The following SLC5A11 variants were observed in gnomAD, a reference collection of about 807,000 sequenced individuals.
SLC5A11 encodes sodium/myo-inositol cotransporter 2.
SLC5A11 carries 48 observed loss-of-function variants against 69.8 expected under a neutral mutation model. The ratio of observed to expected loss-of-function variants is 0.69; its 90% confidence interval spans 0.55 to 0.87. The LOEUF (loss-of-function observed/expected upper bound fraction) is 0.87. SLC5A11 is among the 40% of genes least tolerant of loss of function. The pLI is 0.00. For missense variants in SLC5A11, 784 were observed against 866.1 expected (o/e 0.91, Z 1.19); for synonymous variants, 319 against 342.4 (o/e 0.93, Z 0.75).
At chr16:24,898,411 T>C (rs994002321) in intron 10 of SLC5A11, among the ~76,000 whole-genome samples, 9 of 151,966 alleles carry the variant, frequency 5.9e-5, no homozygotes, top group African/African-American at 2.2e-4. Context: ...TGTCTTGCTA[T>C]GTTGCTCAGG....
chr16:24,851,987 CT>C (rs1596943558), intron 1 of SLC5A11, among the ~76,000 whole-genome samples: 6 of 150,624 alleles, frequency 4.0e-5, no homozygotes, highest in East Asian at 3.9e-4. Context: ...CTCTCTCTCT[CT>C]CTCTCTCCCA....
chr16:24,848,447 A>C (rs997401695), intron 1 of SLC5A11, among the ~76,000 whole-genome samples: 1 of 152,138 alleles, frequency 6.6e-6, no homozygotes, highest in Admixed American at 6.5e-5. Flanking sequence ...CGTCTCTACA[A>C]AAAAATTACA....
Position 24,864,829 on chromosome 16 carries a change from T to G in SLC5A11, c.207+2157T>G, listed in dbSNP as rs191870595. Reference sequence around the variant, plus strand: ...AGATAGATTTTTTTTTAAGTGGAAATTATGGAGTTGGAAAGTAACAATAAG... The same window carrying G: ...AGATAGATTTTTTTTTAAGTGGAAAGTATGGAGTTGGAAAGTAACAATAAG... On this transcript the variant is annotated intron_variant, in intron 3 of 15. Transcript: ENST00000347898. Among the ~76,000 whole-genome samples the G allele has an allele frequency of 3.9e-3, 595 of 151,842 alleles. 3 individuals are homozygous for G. Among genetic ancestry groups the G allele is most frequent in the South Asian group, 0.015 (74 of 4,816 alleles).
intron 1 of SLC5A11, among the ~76,000 whole-genome samples, chr16:24,854,639 C>T (rs1392419890): frequency 6.6e-6 from 1 of 152,142 alleles, no homozygotes; most frequent in African/African-American, 2.4e-5. Flanking sequence ...ACCATGTTAC[C>T]CAGGCTTGTC....
In SLC5A11 at chr16:24,846,451, CT is replaced by C. The variant is rs1202484159; in HGVS notation, c.-25+14del. 2 of 152,764 alleles carry C rather than the reference CT, an allele frequency of 1.3e-5. No individual in the cohort carries two copies. The highest frequency in any genetic ancestry group is 2.4e-5 in the African/African-American group (1 of 41,458). The allele number at this position is 152,764 out of a possible 1,614,324, so 9.5% of individuals were successfully genotyped here. The stretch of plus-strand genomic sequence containing the variant: ...CATCTGGAATAAGGTAAGACACCCC[CT>C]GCCCCCAAACAGGTAGCCACTCTCC... On this transcript the variant is annotated intron_variant, in intron 1 of 15. Transcript: ENST00000347898.
At chr16:24,907,505 T>C (rs997771985) in intron 12 of SLC5A11, among the ~76,000 whole-genome samples, 2 of 151,766 alleles carry the variant, frequency 1.3e-5, no homozygotes, top group Admixed American at 6.6e-5. Context: ...TGAGGTCAGG[T>C]GTTCAAGACC....
chr16:24,886,246 G>C (rs1424438454), intron 8 of SLC5A11, among the ~76,000 whole-genome samples: 1 of 152,060 alleles, frequency 6.6e-6, no homozygotes, highest in African/African-American at 2.4e-5. Context: ...TCTTCACCAG[G>C]ATGGTCTCCA....
intron 1 of SLC5A11, among the ~76,000 whole-genome samples, chr16:24,851,358 C>CA (rs1219759172): frequency 1.3e-5 from 2 of 149,514 alleles, no homozygotes; most frequent in African/African-American, 4.9e-5. Flanking sequence ...ACTAAAAATA[C>CA]AAAAAAAGAA....
intron 7 of SLC5A11, among the ~76,000 whole-genome samples, chr16:24,882,495 C>T (rs1027603558): frequency 1.3e-5 from 2 of 152,138 alleles, no homozygotes; most frequent in Non-Finnish European, 2.9e-5. Context: ...TGTACAGTGA[C>T]TGTGCCCTCT....
At chr16:24,910,306 G>A (rs765816589) in exon 15 of SLC5A11, 6 of 1,613,938 alleles carry the variant, frequency 3.7e-6, no homozygotes, top group Non-Finnish European at 5.1e-6. Context: ...TGCTCCTTAG[G>A]TCAGCCACCT....
At chr16:24,866,024 A>G (rs1172885630) in intron 3 of SLC5A11, among the ~76,000 whole-genome samples, 1 of 150,574 alleles carries the variant, frequency 6.6e-6, no homozygotes. Context: ...AATCACTAAG[A>G]AAGTAATTTT....
At chr16:24,868,459 C>A (rs930623927) in intron 3 of SLC5A11, among the ~76,000 whole-genome samples, 5 of 150,142 alleles carry the variant, frequency 3.3e-5, no homozygotes, top group Non-Finnish European at 5.9e-5. Flanking sequence ...ATTAGCCGGG[C>A]GTGGTGGCGG....
In SLC5A11 at chr16:24,884,235, T is replaced by C. The variant is rs566711106; in HGVS notation, c.664+104T>C. The C allele has an allele frequency of 5.4e-6, 6 of 1,113,932 alleles. No individual in the cohort carries two copies. The East Asian group carries it at 1.2e-4, about 23-fold the overall frequency. The allele number at this position is 1,113,932 out of a possible 1,614,324, so 69.0% of individuals were successfully genotyped here. ...CGGCAAACCTAGCTGTCAAAGAGCATACTACTGGGGAATTTTTTGTCACAG... is the reference window on the plus strand; with the variant it reads ...CGGCAAACCTAGCTGTCAAAGAGCACACTACTGGGGAATTTTTTGTCACAG... On this transcript the variant is annotated intron_variant, in intron 8 of 15. Transcript: ENST00000347898.
chr16:24,884,871 G>T (rs968746459), intron 8 of SLC5A11, among the ~76,000 whole-genome samples: 3 of 151,800 alleles, frequency 2.0e-5, no homozygotes, highest in African/African-American at 2.4e-5. Flanking sequence ...CTCCCAAGTA[G>T]CTGGGCCCAC....
At position 24,908,276 on chromosome 16, in the gene SLC5A11, A is replaced by G. The variant is rs923045776; in HGVS notation, c.1434+145A>G. ...GGTGAGTTCCATTGGTGGAAGATAC[A>G]GGGAGGGTGTTTATCTGACCTTTGC... On this transcript the variant is annotated intron_variant, in intron 13 of 15. Coordinates refer to ENST00000347898, the Ensembl canonical transcript of SLC5A11. The G allele has an allele frequency of 7.6e-6, 7 of 924,764 alleles. No individual in the cohort carries two copies. In the African/African-American group the frequency reaches 1.2e-4, roughly 16 times the overall value. 57.3% of individuals were successfully genotyped at this position (924,764 alleles called of 1,614,324 possible).
At chr16:24,869,837 TG>T in intron 3 of SLC5A11, 63 bp from the exon 5 acceptor site, 3 of 1,142,918 alleles carry the variant, frequency 2.6e-6, no homozygotes, top group South Asian at 1.3e-5. Context: ...TGGAAATAAT[TG>T]GGGGTGGGGA....
Position 24,897,980 on chromosome 16 carries a change from GT to G in SLC5A11, c.878del (p.Val293AlafsTer18). Reference sequence around the variant, plus strand: ...CCCCCTTGATCTTTTCCAGGTGATTGTCCAGCGGACTCTGGCTGCCAAGAAC... The same window carrying G: ...CCCCCTTGATCTTTTCCAGGTGATTGCCAGCGGACTCTGGCTGCCAAGAAC... On this transcript the variant is annotated frameshift_variant, in exon 10 of 16. Transcript: ENST00000347898. LOFTEE classifies it high-confidence loss of function. The G allele has an allele frequency of 6.2e-7, 1 of 1,614,038 alleles. No individual in the cohort carries two copies. Among genetic ancestry groups the G allele is most frequent in the Middle Eastern group, 1.7e-4 (1 of 6,024 alleles).
At chr16:24,871,991 C>T (rs2047332612) in intron 4 of SLC5A11, among the ~76,000 whole-genome samples, 169 bp from the exon 6 acceptor site, 2 of 152,098 alleles carry the variant, frequency 1.3e-5, no homozygotes, top group Non-Finnish European at 2.9e-5. Flanking sequence ...ATCCATTCCC[C>T]ATGTTAAAAA....
chr16:24,907,152 G>A lies in SLC5A11; in HGVS notation c.1242G>A (p.Glu414=), dbSNP rs771692217. Residue 414 remains glutamate, a synonymous_variant, in exon 12 of 16, where the codon GAG becomes GAA. Transcript: ENST00000347898. ...ATCACCTCCGGCCTCGGGCATCTGA[G>A]AAGGAGCTCATGATTGTGGGCAGGT... 6.2e-6 allele frequency: 10 copies of A among 1,614,042 alleles called. No homozygotes were observed. The South Asian group carries it at 1.1e-4, about 18-fold the overall frequency.
Sources: allele counts gnomAD v4.1 joint callset (sites outside exome capture counted in the v4.1 genomes callset), GRCh38; gene constraint gnomAD v4.1.1; transcripts MANE v1.5; gene names NCBI Gene and HGNC (gene_info 2026-07-23, HGNC 2026-07-21).